DMD: variants seen among roughly 807,000 people sequenced by gnomAD.
DMD encodes the protein mutant dystrophin.
Under a neutral mutation model 330.1 loss-of-function variants are expected in DMD, and 63 were observed. The observed-to-expected ratio is 0.19, with a 90% CI of 0.16 to 0.24. The LOEUF is 0.24. Ranked by LOEUF, DMD falls within the 10% of genes least tolerant of loss-of-function variation. DMD has a pLI of 1.00. For synonymous variants in DMD, 1,223 were observed against 959.8 expected, an observed-to-expected ratio of 1.27 and a Z score of -5.07; for missense variants, 3,344 against 2,684.1, an observed-to-expected ratio of 1.25 and a Z score of -5.43.
chrX:32,407,187 C>G (rs1003393975), intron 30 of DMD, among the ~76,000 whole-genome samples: 10 of 111,277 alleles, frequency 9.0e-5, no homozygotes, highest in East Asian at 5.7e-4. Flanking sequence ...AGTGAACAGG[C>G]AACCTACAGA....
chrX:31,969,969 C>T (rs762424183), intron 44 of DMD, among the ~76,000 whole-genome samples: 4 of 111,649 alleles, frequency 3.6e-5, no homozygotes, highest in African/African-American at 9.8e-5. Flanking sequence ...TTCAGATCAG[C>T]GTTGCATGTG....
At chrX:31,791,666 T>A (rs2091575543) in intron 50 of DMD, among the ~76,000 whole-genome samples, 1 of 112,235 alleles carries the variant, frequency 8.9e-6, no homozygotes, top group Admixed American at 9.5e-5. Context: ...ATACCCAATA[T>A]GCTTTCACTC....
rs2095038103 is a variant in DMD at position 33,088,407 on chromosome X, C to T, written c.32-68207G>A. 4.5e-5 allele frequency among the ~76,000 whole-genome samples: 5 copies of T among 112,127 alleles called. No homozygotes were observed. The South Asian group carries it at 1.8e-3, about 41-fold the overall frequency. ...TGCCTTACTGTGAATTCCATGAAGG[C>T]TGTGAAGTTATTTAATTCTTCTGTA... On this transcript the variant is annotated intron_variant, in intron 1 of 78. Transcript: ENST00000357033.
At chrX:32,650,937 G>A (rs753251030) in intron 9 of DMD, among the ~76,000 whole-genome samples, 29 of 111,468 alleles carry the variant, frequency 2.6e-4, no homozygotes, top group African/African-American at 9.4e-4. Context: ...CAGGGTGATA[G>A]AAATTAGTAG....
chrX:33,284,489 T>C (rs2053397300), intron 1 of DMD, among the ~76,000 whole-genome samples: 1 of 110,234 alleles, frequency 9.1e-6, no homozygotes. Context: ...AGGAAATTTT[T>C]GCTGAGCCTC....
intron 7 of DMD, among the ~76,000 whole-genome samples, chrX:32,722,968 T>C (rs756401701): frequency 3.6e-5 from 4 of 111,005 alleles, no homozygotes; most frequent in African/African-American, 6.5e-5. Flanking sequence ...CTATGACAAA[T>C]GGAAGTGGTA....
intron 30 of DMD, among the ~76,000 whole-genome samples, chrX:32,402,275 C>G (rs941928436): frequency 7.2e-5 from 8 of 111,268 alleles, no homozygotes; most frequent in Admixed American, 4.8e-4. Flanking sequence ...CTTAAATTAT[C>G]TTTTTAAATA....
At chrX:31,706,499 A>G (rs912004979) in intron 52 of DMD, among the ~76,000 whole-genome samples, 8 of 110,846 alleles carry the variant, frequency 7.2e-5, no homozygotes, top group African/African-American at 1.3e-4. Flanking sequence ...TTGCTTTTCT[A>G]TCATTTCCAC....
intron 62 of DMD, among the ~76,000 whole-genome samples, chrX:31,266,181 A>AAAAAAAAAAAAAAAACAAAC (rs2051071237): frequency 9.6e-6 from 1 of 103,702 alleles, no homozygotes; most frequent in African/African-American, 3.7e-5. Context: ...AAAAAAAAAA[A>AAAAAAAAAAAAAAAACAAAC]AAGCCCAAAC....
At chrX:32,536,632 T>G (rs1327263201) in intron 17 of DMD, among the ~76,000 whole-genome samples, 4 of 112,421 alleles carry the variant, frequency 3.6e-5, no homozygotes, top group Non-Finnish European at 7.5e-5. Context: ...CTTATTTTGC[T>G]TTTAATTGCC....
At chrX:32,445,606 T>C (rs1313041252) in intron 27 of DMD, among the ~76,000 whole-genome samples, 1 of 110,527 alleles carries the variant, frequency 9.0e-6, no homozygotes, top group Non-Finnish European at 1.9e-5. Flanking sequence ...CAGAGAAATA[T>C]TGTTAAAGAA....
chrX:33,334,631 T>C (rs866167027), intron 1 of DMD, among the ~76,000 whole-genome samples: 1 of 111,317 alleles, frequency 9.0e-6, no homozygotes, highest in Middle Eastern at 4.7e-3. Context: ...TCAGAAATAT[T>C]CTTGAAATGA....
intron 9 of DMD, among the ~76,000 whole-genome samples, chrX:32,664,778 G>A (rs925892193): frequency 1.8e-5 from 2 of 111,881 alleles, no homozygotes; most frequent in Non-Finnish European, 3.8e-5. Flanking sequence ...TTGGCAGAAA[G>A]CTCTGAGCTG....
At chrX:32,995,749 C>A (rs1301780518) in intron 2 of DMD, among the ~76,000 whole-genome samples, 1 of 111,725 alleles carries the variant, frequency 9.0e-6, no homozygotes, top group Admixed American at 9.5e-5. Flanking sequence ...GAAAATATTA[C>A]GTACCATATA....
intron 50 of DMD, among the ~76,000 whole-genome samples, chrX:31,790,162 A>G (rs1415607003): frequency 2.7e-5 from 3 of 112,032 alleles, no homozygotes; most frequent in Non-Finnish European, 5.7e-5. Flanking sequence ...CAAGAACGTG[A>G]ACAGAGGCAA....
intron 21 of DMD, among the ~76,000 whole-genome samples, chrX:32,478,858 T>G (rs771707218): frequency 9.0e-6 from 1 of 111,479 alleles, no homozygotes; most frequent in East Asian, 2.8e-4. Flanking sequence ...ATAGGAATTT[T>G]ATCTAAGATC....
intron 27 of DMD, among the ~76,000 whole-genome samples, chrX:32,444,442 C>T (rs2098295305): frequency 9.0e-6 from 1 of 110,523 alleles, no homozygotes; most frequent in Admixed American, 9.6e-5. Context: ...CAAACAAAAA[C>T]CTTACTAGCC....
intron 44 of DMD, among the ~76,000 whole-genome samples, chrX:32,144,338 C>G (rs1476179071): frequency 9.0e-6 from 1 of 111,534 alleles, no homozygotes; most frequent in Non-Finnish European, 1.9e-5. Flanking sequence ...TCTGGATTCC[C>G]CATTACTTTT....
intron 7 of DMD, among the ~76,000 whole-genome samples, chrX:32,764,825 T>A (rs2072764947): frequency 9.0e-6 from 1 of 111,483 alleles, no homozygotes; most frequent in Admixed American, 9.6e-5. Flanking sequence ...CTGGATCACA[T>A]GGTAATTCTA....
Sources: gnomAD v4.1 joint callset for allele counts (sites outside exome capture counted in the v4.1 genomes callset) on GRCh38, gnomAD v4.1.1 for gene constraint, MANE v1.5 for transcripts, NCBI Gene and HGNC (gene_info 2026-07-23, HGNC 2026-07-21) for gene names.